Variants in MSH3 observed in about 807,000 individuals in gnomAD.
MSH3 encodes DNA mismatch repair protein Msh3.
MSH3 carries 106 observed loss-of-function variants against 123.3 expected under a neutral mutation model. The ratio of observed to expected loss-of-function variants is 0.86; its 90% CI spans 0.73 to 1.01. The LOEUF (loss-of-function observed/expected upper bound fraction) is 1.01. Ranked by LOEUF, MSH3 falls within the 50% of genes least tolerant of loss-of-function variation. The pLI is 0.00. For missense variants in MSH3, 1,459 were observed against 1,347.6 expected (o/e 1.08, Z -1.29); for synonymous variants, 515 against 481.4 (o/e 1.07, Z -0.91).
At chr5:80,682,880 C>T (rs1010090030) in intron 8 of MSH3, among the ~76,000 whole-genome samples, 2 of 152,084 alleles carry the variant, frequency 1.3e-5, no homozygotes, top group Admixed American at 1.3e-4. Flanking sequence ...CCTCTGGTAG[C>T]CATCTTTCTA....
At chr5:80,734,630 T>C (rs1743470413) in intron 10 of MSH3, among the ~76,000 whole-genome samples, 1 of 152,168 alleles carries the variant, frequency 6.6e-6, no homozygotes, top group Admixed American at 6.6e-5. Context: ...TTGGAGAGTG[T>C]TCCAAGCCCT....
At chr5:80,822,660 GA>G (rs1745221246) in intron 20 of MSH3, among the ~76,000 whole-genome samples, 2 of 152,200 alleles carry the variant, frequency 1.3e-5, no homozygotes, top group South Asian at 4.1e-4. Context: ...GAAAGAAGTT[GA>G]CCAAATCTAA....
intron 20 of MSH3, among the ~76,000 whole-genome samples, chr5:80,825,210 C>T (rs1025961978): frequency 2.6e-5 from 4 of 152,122 alleles, no homozygotes; most frequent in Admixed American, 1.3e-4. Flanking sequence ...AATCCCATTG[C>T]CCTCTACCCT....
At chr5:80,809,151 A>G (rs888492657) in intron 19 of MSH3, among the ~76,000 whole-genome samples, 4 of 151,850 alleles carry the variant, frequency 2.6e-5, no homozygotes, top group Non-Finnish European at 5.9e-5. Context: ...AAGGAATTTC[A>G]TATATATTTT....
At chr5:80,729,466 A>G (rs1327964219) in intron 10 of MSH3, among the ~76,000 whole-genome samples, 1,326 of 112,520 alleles carry the variant, frequency 0.012, 7 homozygotes, top group East Asian at 0.04. Flanking sequence ...GTGTGTATAT[A>G]TATATATATA....
chr5:80,693,042 T>C (rs1197217362), intron 8 of MSH3, among the ~76,000 whole-genome samples: 2 of 131,766 alleles, frequency 1.5e-5, no homozygotes, highest in East Asian at 4.4e-4. Flanking sequence ...CATGCACATG[T>C]ATATGTTTAT....
chr5:80,664,981 C>T (rs151008267), intron 2 of MSH3, among the ~76,000 whole-genome samples, 162 bp from the exon 3 acceptor site: 2 of 152,128 alleles, frequency 1.3e-5, no homozygotes, highest in African/African-American at 4.8e-5. Context: ...CATCTTTACC[C>T]TGAACCCAGT....
chr5:80,699,716 G>A (rs927486790), intron 8 of MSH3, among the ~76,000 whole-genome samples: 4 of 151,898 alleles, frequency 2.6e-5, no homozygotes, highest in African/African-American at 4.8e-5. Context: ...ATTTCTTATC[G>A]TTTTTTCCCC....
At chr5:80,864,687 TG>T in intron 21 of MSH3, 125 bp from the exon 22 acceptor site, 1 of 773,230 alleles carries the variant, frequency 1.3e-6, no homozygotes. Context: ...ATATAATAAT[TG>T]GTCGTTGTAC....
At chr5:80,787,785 C>T in intron 18 of MSH3, 113 bp downstream of exon 18, 1 of 761,878 alleles carries the variant, frequency 1.3e-6, no homozygotes, top group Non-Finnish European at 2.3e-6. Flanking sequence ...GTGTTAGACT[C>T]TTGGGAAAGC....
chr5:80,811,589 G>T (rs540075681), intron 19 of MSH3, among the ~76,000 whole-genome samples: 2 of 152,082 alleles, frequency 1.3e-5, no homozygotes, highest in East Asian at 3.9e-4. Context: ...TTCTTGTTTT[G>T]TTCTCTGGAA....
chr5:80,793,645 G>A (rs1329146807), intron 19 of MSH3, among the ~76,000 whole-genome samples: 3 of 152,158 alleles, frequency 2.0e-5, no homozygotes, highest in Non-Finnish European at 1.5e-5. Context: ...TGGAAGTGAA[G>A]CATAGCAGGA....
chr5:80,789,522 C>T (rs2112022783), intron 18 of MSH3, among the ~76,000 whole-genome samples: 1 of 152,246 alleles, frequency 6.6e-6, no homozygotes, highest in South Asian at 2.1e-4. Flanking sequence ...AGGCGTGTGC[C>T]ACCACGCCTG....
intron 8 of MSH3, among the ~76,000 whole-genome samples, chr5:80,697,983 C>T (rs543630420): frequency 1.4e-4 from 21 of 152,194 alleles, no homozygotes; most frequent in Admixed American, 3.9e-4. Flanking sequence ...TCGTGGTTCA[C>T]TGTAGCCTTG....
At chr5:80,738,199 T>C (rs1743547344) in intron 10 of MSH3, among the ~76,000 whole-genome samples, 1 of 152,190 alleles carries the variant, frequency 6.6e-6, no homozygotes, top group African/African-American at 2.4e-5. Flanking sequence ...TATTTGGTAA[T>C]TATATGTAGA....
At chr5:80,735,707 A>G (rs1206613018) in intron 10 of MSH3, among the ~76,000 whole-genome samples, 3 of 151,976 alleles carry the variant, frequency 2.0e-5, no homozygotes, top group Non-Finnish European at 4.4e-5. Flanking sequence ...ACAAAACCAA[A>G]AAAGAACAGA....
In MSH3 at chr5:80,672,325, G is replaced by C. The variant is rs1357719217; in HGVS notation, c.874G>C (p.Val292Leu). Residue 292 changes from valine to leucine, a missense_variant, in exon 5 of 24, where the codon GTT (valine) becomes CTT (leucine). Transcript: ENST00000265081. ...AAGTATACCTACTCACAGACTGTTT[G>C]TTCATGTACGCCGCCTGGTGGCAAA... ...TASIPTHRLF[V>L]HVRRLVAKGY... 5.6e-6 allele frequency: 9 copies of C among 1,613,810 alleles called. No homozygotes were observed. The highest frequency in any genetic ancestry group is 7.6e-6 in the Non-Finnish European group (9 of 1,179,890).
chr5:80,664,372 T>C (rs1418692398), intron 2 of MSH3, among the ~76,000 whole-genome samples: 1 of 152,172 alleles, frequency 6.6e-6, no homozygotes, highest in African/African-American at 2.4e-5. Context: ...GCTAGTAAGA[T>C]TTCCCAGTCA....
rs747583051 is a variant in MSH3 at position 80,665,408 on chromosome 5, G to A, written c.579+45G>A. 5 of 1,442,828 alleles carry A rather than the reference G, an allele frequency of 3.5e-6. No homozygotes were observed. The South Asian group carries it at 5.9e-5, about 17-fold the overall frequency. The allele number at this position is 1,442,828 out of a possible 1,614,324, so 89.4% of individuals were successfully genotyped here. On this transcript the variant is annotated intron_variant, in intron 3 of 23. Coordinates refer to ENST00000265081, the MANE Select transcript of MSH3 (RefSeq NM_002439.5). The stretch of plus-strand genomic sequence containing the variant: ...GAGTATCCAGTTACCTAGAATAGTG[G>A]GTTCTGAAGTACTGTCAGGTTCTCT...
Sources: gnomAD v4.1 joint callset for allele counts (sites outside exome capture counted in the v4.1 genomes callset) on GRCh38, gnomAD v4.1.1 for gene constraint, MANE v1.5 for transcripts, NCBI Gene and HGNC (gene_info 2026-07-23, HGNC 2026-07-21) for gene names.